SIK3: variants seen among roughly 807,000 people sequenced by gnomAD.
SIK3 encodes the protein SIK family kinase 3.
SIK3 carries 28 observed loss-of-function variants against 144.2 expected under a neutral mutation model. The observed-to-expected ratio is 0.19, with a 90% CI of 0.14 to 0.27. The LOEUF (loss-of-function observed/expected upper bound fraction) is 0.27, where lower values mean the gene tolerates loss of function less well. Among genes scored for constraint, SIK3 ranks in the 10% least tolerant of loss-of-function variants. The pLI, the probability that SIK3 is intolerant of heterozygous loss-of-function variation, is 1.00. For missense variants in SIK3, 1,319 were observed against 1,776.0 expected (o/e 0.74, Z 4.62); for synonymous variants, 686 against 676.3 (o/e 1.01, Z -0.22).
At chr11:117,024,962 C>T (rs1951949299) in intron 1 of SIK3, among the ~76,000 whole-genome samples, 1 of 152,032 alleles carries the variant, frequency 6.6e-6, no homozygotes, top group African/African-American at 2.4e-5. Context: ...TGGAATTCTA[C>T]CCCATTCTTT....
chr11:116,920,597 G>T (rs1375441105), intron 4 of SIK3, among the ~76,000 whole-genome samples: 1 of 152,160 alleles, frequency 6.6e-6, no homozygotes, highest in African/African-American at 2.4e-5. Flanking sequence ...GCCTGTATCA[G>T]TGTCTGCAAC....
At chr11:117,024,486 C>T (rs527720885) in intron 1 of SIK3, among the ~76,000 whole-genome samples, 3 of 152,120 alleles carry the variant, frequency 2.0e-5, no homozygotes, top group Non-Finnish European at 4.4e-5. Context: ...TTCAATAATG[C>T]CCCATAACTC....
chr11:116,974,132 T>G (rs1404980930), intron 1 of SIK3, among the ~76,000 whole-genome samples: 1 of 152,262 alleles, frequency 6.6e-6, no homozygotes, highest in African/African-American at 2.4e-5. Flanking sequence ...GTACTGTATC[T>G]GCAATTTTTC....
chr11:117,052,859 A>G (rs746347591), intron 1 of SIK3, among the ~76,000 whole-genome samples: 1 of 152,228 alleles, frequency 6.6e-6, no homozygotes, highest in Non-Finnish European at 1.5e-5. Context: ...TCAGAAAGCA[A>G]TACTTTCCAG....
rs372061347 is a variant in SIK3 at position 116,916,512 on chromosome 11, A to ATT, written c.616+10705_616+10706dup. ...TTAAATTTCTATAATATCACATCAA[A>ATT]TTTTTTTTTTTTTTTTGAGACAGAG... On this transcript the variant is annotated intron_variant, in intron 4 of 24. Transcript: ENST00000445177. Among the ~76,000 whole-genome samples the ATT allele has an allele frequency of 4.6e-3, 649 of 141,332 alleles. 5 individuals are homozygous for ATT. The highest frequency in any genetic ancestry group is 0.013 in the African/African-American group (508 of 38,620). 92.7% of individuals were successfully genotyped at this position (141,332 alleles called of 152,430 possible). A position where few individuals can be genotyped will look rare whatever the true frequency, so the allele number is the denominator to read the frequency against.
At chr11:116,922,443 AT>A (rs1352505849) in intron 4 of SIK3, among the ~76,000 whole-genome samples, 2 of 152,176 alleles carry the variant, frequency 1.3e-5, no homozygotes, top group African/African-American at 4.8e-5. Context: ...GTGAGCCATG[AT>A]TATGCCACTG....
chr11:116,957,294 A>G (rs1324506390), intron 1 of SIK3, among the ~76,000 whole-genome samples: 11 of 152,164 alleles, frequency 7.2e-5, no homozygotes, highest in African/African-American at 2.4e-4. Context: ...GTCTTCTGCC[A>G]TTTCTTCAAT....
chr11:116,869,214 A>G (rs1459780973), intron 14 of SIK3: 3 of 152,146 alleles, frequency 2.0e-5, no homozygotes, highest in Non-Finnish European at 4.4e-5. Flanking sequence ...TTTTCCTTCT[A>G]TTGGCCAAGC....
At chr11:117,044,516 T>C (rs183341519) in intron 1 of SIK3, among the ~76,000 whole-genome samples, 13 of 151,384 alleles carry the variant, frequency 8.6e-5, no homozygotes, top group East Asian at 3.9e-4. Context: ...AAAAACACAA[T>C]AAAGCCTGCC....
At chr11:116,906,161 T>C (rs1352693568) in intron 4 of SIK3, among the ~76,000 whole-genome samples, 1 of 152,126 alleles carries the variant, frequency 6.6e-6, no homozygotes, top group Non-Finnish European at 1.5e-5. Context: ...AGGTGAATAT[T>C]GAAGGCTGTG....
chr11:116,905,970 C>T (rs1231535513), intron 4 of SIK3, among the ~76,000 whole-genome samples: 1 of 152,180 alleles, frequency 6.6e-6, no homozygotes, highest in Non-Finnish European at 1.5e-5. Context: ...TGAGGTCCAA[C>T]TTATCTGTAT....
chr11:117,083,398 A>G (rs1197733070), intron 1 of SIK3, among the ~76,000 whole-genome samples: 1 of 152,166 alleles, frequency 6.6e-6, no homozygotes, highest in Admixed American at 6.5e-5. Context: ...ATTACCATAC[A>G]CATGTAAGAT....
At chr11:116,951,948 A>G (rs867904224) in intron 3 of SIK3, among the ~76,000 whole-genome samples, 74 of 109,130 alleles carry the variant, frequency 6.8e-4, no homozygotes, top group Non-Finnish European at 1.1e-3. Flanking sequence ...AAGAATAAAT[A>G]AATAAATAAA....
At chr11:116,934,678 A>G (rs1226730971) in intron 3 of SIK3, among the ~76,000 whole-genome samples, 1 of 152,234 alleles carries the variant, frequency 6.6e-6, no homozygotes, top group Non-Finnish European at 1.5e-5. Flanking sequence ...TGGATACTTA[A>G]TAATTATAGA....
intron 1 of SIK3, among the ~76,000 whole-genome samples, chr11:117,065,308 A>T (rs936340472): frequency 6.6e-6 from 1 of 152,078 alleles, no homozygotes; most frequent in African/African-American, 2.4e-5. Flanking sequence ...ACAAGTGAAG[A>T]CTGGATATTA....
intron 11 of SIK3, among the ~76,000 whole-genome samples, chr11:116,874,416 T>G (rs1183884200): frequency 6.6e-6 from 1 of 152,190 alleles, no homozygotes; most frequent in Non-Finnish European, 1.5e-5. Context: ...CTGCCTGAAG[T>G]AGCAACTGAT....
intron 4 of SIK3, among the ~76,000 whole-genome samples, chr11:116,924,620 G>A (rs1332711281): frequency 1.3e-5 from 2 of 152,122 alleles, no homozygotes; most frequent in African/African-American, 2.4e-5. Flanking sequence ...CCCACAGCTC[G>A]CAGCACAGTG....
At chr11:116,870,609 T>A (rs919576646) in intron 13 of SIK3, among the ~76,000 whole-genome samples, 1 of 152,234 alleles carries the variant, frequency 6.6e-6, no homozygotes, top group Non-Finnish European at 1.5e-5. Context: ...CTTCCTCTTA[T>A]TTATCTTCAT....
chr11:116,939,377 A>G (rs929187173), intron 3 of SIK3, among the ~76,000 whole-genome samples: 6 of 152,168 alleles, frequency 3.9e-5, no homozygotes, highest in African/African-American at 1.4e-4. Context: ...GAAAATCCTG[A>G]CCTCGTGATC....
Sources: gnomAD v4.1 joint callset for allele counts (sites outside exome capture counted in the v4.1 genomes callset) on GRCh38, gnomAD v4.1.1 for gene constraint, MANE v1.5 for transcripts, NCBI Gene and HGNC (gene_info 2026-07-23, HGNC 2026-07-21) for gene names.